EHMT2: variants seen among roughly 807,000 people sequenced by gnomAD.
EHMT2 encodes euchromatic histone lysine methyltransferase 2, also known as histone-lysine N-methyltransferase EHMT2.
EHMT2 carries 59 observed loss-of-function variants against 143.3 expected under a neutral mutation model. The ratio of observed to expected loss-of-function variants is 0.41; its 90% CI spans 0.33 to 0.51. The LOEUF is 0.51. Ranked by LOEUF, EHMT2 falls within the 20% of genes least tolerant of loss-of-function variation. EHMT2 has a pLI of 0.18. For missense variants in EHMT2, 1,174 were observed against 1,645.9 expected, an observed-to-expected ratio of 0.71 and a Z score of 4.96; for synonymous variants, 604 against 651.5, an observed-to-expected ratio of 0.93 and a Z score of 1.11.
In EHMT2 at chr6:31,888,973, G is replaced by A. The variant is rs369022743; in HGVS notation, c.1212C>T (p.His404=). ...GTCCCGGCAATTGGCAATTACCAGC[G>A]TGGTTGGGGGAGAGGGTCCCCTCGC... The change falls in exon 10 of 28, where the codon CAC becomes CAT. Residue 404 remains histidine (H), a synonymous_variant. Coordinates refer to ENST00000375537, the Ensembl canonical transcript of EHMT2. This position sits in a 1 kb window ranked among gnomAD's most constrained non-coding sequence, Gnocchi z 7.4. 19 of 1,598,080 alleles carry A rather than the reference G, an allele frequency of 1.2e-5. 1 individual carries two copies. In the Middle Eastern group the frequency reaches 6.1e-4, roughly 51 times the overall value.
Position 31,896,416 on chromosome 6 carries a change from A to G in EHMT2, c.429T>C (p.Ser143=), listed in dbSNP as rs776450746. The change falls in exon 4 of 28, where the codon TCT becomes TCC. Residue 143 remains serine, a synonymous_variant. Transcript: ENST00000375537. Reference sequence around the variant, plus strand: ...GTAGCCTCATAGCCAAACTCTGGACAGATGGAGGTGATTTTCCCGCCCCTG... The same window carrying G: ...GTAGCCTCATAGCCAAACTCTGGACGGATGGAGGTGATTTTCCCGCCCCTG... 3 of 1,613,042 alleles carry G rather than the reference A, an allele frequency of 1.9e-6. No individual in the cohort carries two copies. The Middle Eastern group carries it at 4.9e-4, about 266-fold the overall frequency.
chr6:31,896,496 G>A, exon 4 of EHMT2: 1 of 1,612,900 alleles, frequency 6.2e-7, no homozygotes, highest in Non-Finnish European at 8.5e-7. Flanking sequence ...GGGGAAGAGG[G>A]GAATGACTTT....
In EHMT2 at chr6:31,884,875, C is replaced by G. The variant is rs368016714; in HGVS notation, c.2448+37G>C. ...ATCCAGCCTCCACCTTGCTCAGGGG[C>G]CTGGGGCTGCCCTACCTCAACCAAA... is the stretch of plus-strand genomic sequence containing the variant. On this transcript the variant is annotated intron_variant, in intron 19 of 27. Coordinates refer to ENST00000375537, the Ensembl canonical transcript of EHMT2. The surrounding 1 kb of genome is among the most constrained non-coding windows in gnomAD (Gnocchi z 7.3). 6.3e-7 allele frequency: 1 copy of G among 1,586,082 alleles called. No individual in the cohort carries two copies. The highest frequency in any genetic ancestry group is 1.7e-5 in the Admixed American group (1 of 58,430).
At chr6:31,897,308 G>A (rs1766679988) in intron 1 of EHMT2, 1 of 568,688 alleles carries the variant, frequency 1.8e-6, no homozygotes, top group Non-Finnish European at 2.4e-6. Context: ...CCCCCAGGCC[G>A]CGGGGACCCC....
Position 31,889,277 on chromosome 6 carries a change from C to T in EHMT2, c.1065G>A (p.Pro355=), listed in dbSNP as rs147657889. Residue 355 remains proline (P), a synonymous_variant, in exon 9 of 28, where the codon CCG becomes CCA. Transcript: ENST00000375537. This position sits in a 1 kb window ranked among gnomAD's most constrained non-coding sequence, Gnocchi z 5.1. The stretch of plus-strand genomic sequence containing the variant: ...GCTCCCGCTTGCGCCGTTTCCGAGA[C>T]GGCTTCACCCATGGGCTGTCTTTTC... 135 of 1,612,258 alleles carry T rather than the reference C, an allele frequency of 8.4e-5. No individual in the cohort carries two copies. In the African/African-American group the frequency reaches 1.3e-3, roughly 15 times the overall value.
At position 31,889,643 on chromosome 6, in the gene EHMT2, TCAGA is replaced by T; in HGVS notation, c.865-45_865-42del. ...AACAGACATATCCAACCCCCAGGAC[TCAGA>T]CAATGAGGTGAGTAAAGAAAACCAC... On this transcript the variant is annotated intron_variant, in intron 7 of 27. Coordinates refer to ENST00000375537, the Ensembl canonical transcript of EHMT2. The surrounding 1 kb of genome is among the most constrained non-coding windows in gnomAD (Gnocchi z 5.1). 1 of 1,604,130 alleles carries T rather than the reference TCAGA, an allele frequency of 6.2e-7. No individual in the cohort carries two copies. Among genetic ancestry groups the T allele is most frequent in the Middle Eastern group, 1.7e-4 (1 of 6,052 alleles).
rs768158740 is a variant in EHMT2 at position 31,896,525 on chromosome 6, C to G, written c.329-9G>C. 8 of 1,611,862 alleles carry G rather than the reference C, an allele frequency of 5.0e-6. No individual in the cohort carries two copies. Among genetic ancestry groups the G allele is most frequent in the Non-Finnish European group, 5.9e-6 (7 of 1,179,400 alleles). On this transcript the variant is annotated splice_polypyrimidine_tract_variant and intron_variant, in intron 3 of 27. Transcript: ENST00000375537. ...TGACTTTGTGGCATGGCCTAGAAAA[C>G]AGGCAAGCAAAAGGCAAGATAAGAA...
At chr6:31,882,625 G>T in intron 25 of EHMT2, 74 bp downstream of exon 25, 1 of 1,424,738 alleles carries the variant, frequency 7.0e-7, no homozygotes, top group Middle Eastern at 1.8e-4. Flanking sequence ...AGATGGCTGA[G>T]AGGGAGGCCT....
chr6:31,882,250 G>A (rs1427343483), intron 25 of EHMT2, among the ~76,000 whole-genome samples: 1 of 152,142 alleles, frequency 6.6e-6, no homozygotes, highest in Non-Finnish European at 1.5e-5. Flanking sequence ...GGCCCCTGAG[G>A]AGGTGGACAG....
At position 31,880,802 on chromosome 6, in the gene EHMT2, C is replaced by G; in HGVS notation, c.3323G>C (p.Ser1108Thr). The stretch of plus-strand genomic sequence containing the variant: ...GTCACACAGGTGGTTGATGAAGCGG[C>G]TGATGTTGCCATAGTAACGGGCATC... The change falls in exon 27 of 28, where the codon AGC (serine) becomes ACC (threonine). Residue 1108 changes from serine to threonine, a missense_variant. Ser to Thr is a moderately conservative substitution (Grantham distance 58). Transcript: ENST00000375537. The surrounding 1 kb of genome is among the most constrained non-coding windows in gnomAD (Gnocchi z 6.6). 1 of 1,613,936 alleles carries G rather than the reference C, an allele frequency of 6.2e-7. No individual in the cohort carries two copies. Among genetic ancestry groups the G allele is most frequent in the Non-Finnish European group, 8.5e-7 (1 of 1,180,022 alleles).
rs373629576 is a variant in EHMT2 at position 31,883,447 on chromosome 6, G to A, written c.2917-8C>T. The A allele has an allele frequency of 1.9e-6, 3 of 1,610,690 alleles. No homozygotes were observed. Among genetic ancestry groups the A allele is most frequent in the Admixed American group, 1.7e-5 (1 of 59,720 alleles). ...GTCCACACACGTGCAGTGCTGGGGC[G>A]AGGAGGCAGAGGTCAGCTCAACCCC... On this transcript the variant is annotated splice_polypyrimidine_tract_variant and splice_region_variant and intron_variant, in intron 22 of 27. Coordinates refer to ENST00000375537, the Ensembl canonical transcript of EHMT2. The surrounding 1 kb of genome is among the most constrained non-coding windows in gnomAD (Gnocchi z 5.6).
intron 4 of EHMT2, among the ~76,000 whole-genome samples, chr6:31,894,670 T>C (rs1210518069): frequency 2.6e-5 from 4 of 152,168 alleles, no homozygotes; most frequent in African/African-American, 9.7e-5. Flanking sequence ...ATTGTTAGAA[T>C]TGTGCTATTT....
intron 4 of EHMT2, 163 bp from the exon 5 acceptor site, chr6:31,893,073 A>C: frequency 1.7e-6 from 1 of 586,208 alleles, no homozygotes; most frequent in Non-Finnish European, 3.0e-6. Context: ...ATTTCCTCAG[A>C]GGAAGAGTGT....
chr6:31,884,498 C>A lies in EHMT2; in HGVS notation c.2665G>T (p.Asp889Tyr). The A allele has an allele frequency of 6.2e-7, 1 of 1,612,974 alleles. No homozygotes were observed. The highest frequency in any genetic ancestry group is 8.5e-7 in the Non-Finnish European group (1 of 1,180,030). The change falls in exon 21 of 28, where the codon GAC (aspartate) becomes TAC (tyrosine). Residue 889 changes from aspartate to tyrosine, a missense_variant. Around this residue, in one of 6 missense-constraint regions of EHMT2, gnomAD observed 608 missense variants for 903.7 expected, o/e 0.67. Coordinates refer to ENST00000375537, the Ensembl canonical transcript of EHMT2. The surrounding 1 kb of genome is among the most constrained non-coding windows in gnomAD (Gnocchi z 7.3). ...ACGTCGGAGCGCTCGGGAGTCAGGT[C>A]CCATGCTGTGTCCCCCTCTTTGTTC...
At chr6:31,891,638 G>A (rs1303620691) in intron 7 of EHMT2, among the ~76,000 whole-genome samples, 2 of 152,108 alleles carry the variant, frequency 1.3e-5, no homozygotes, top group Non-Finnish European at 2.9e-5. Context: ...ATGATAAAAT[G>A]TTAAATAAAA....
chr6:31,896,971 T>C, exon 2 of EHMT2: 1 of 1,581,482 alleles, frequency 6.3e-7, no homozygotes, highest in Non-Finnish European at 8.6e-7. Context: ...AGCGCCCCCA[T>C]CTCAGCGGGG....
chr6:31,882,051 G>A (rs1764169602), intron 25 of EHMT2, among the ~76,000 whole-genome samples: 1 of 150,954 alleles, frequency 6.6e-6, no homozygotes, highest in Admixed American at 6.6e-5. Context: ...ACTGCAGTGA[G>A]CCAAGATTGT....
chr6:31,881,376 C>CA lies in EHMT2; in HGVS notation c.3198-285dup. On this transcript the variant is annotated intron_variant, in intron 25 of 27. Transcript: ENST00000375537. This position sits in a 1 kb window ranked among gnomAD's most constrained non-coding sequence, Gnocchi z 4.8. The stretch of plus-strand genomic sequence containing the variant: ...GGGTGGGGAAGTTCGGGTTTGGACA[C>CA]AGAGAGGTTTGTGTTCCAGGAGCCA... 1 of 546,398 alleles carries CA rather than the reference C, an allele frequency of 1.8e-6. No homozygotes were observed. Among genetic ancestry groups the CA allele is most frequent in the Non-Finnish European group, 3.3e-6 (1 of 303,292 alleles). The allele number at this position is 546,398 out of a possible 1,614,324, so 33.8% of individuals were successfully genotyped here. A position where few individuals can be genotyped will look rare whatever the true frequency, so the allele number is the denominator to read the frequency against.
chr6:31,884,379 G>A lies in EHMT2; in HGVS notation c.2771+13C>T. On this transcript the variant is annotated intron_variant, in intron 21 of 27. Coordinates refer to ENST00000375537, the Ensembl canonical transcript of EHMT2. The surrounding 1 kb of genome is among the most constrained non-coding windows in gnomAD (Gnocchi z 7.3). ...GAGGTGGTCTTGGGTGCAGAGAGGG[G>A]CCCAGGGCTCACCGGCAGATGATCT... 6.2e-7 allele frequency: 1 copy of A among 1,607,860 alleles called. No individual in the cohort carries two copies. The highest frequency in any genetic ancestry group is 8.5e-7 in the Non-Finnish European group (1 of 1,178,122).
Sources: allele counts gnomAD v4.1 joint callset (sites outside exome capture counted in the v4.1 genomes callset), GRCh38; gene constraint gnomAD v4.1.1; regional missense constraint gnomAD v4.1.1; non-coding constraint Gnocchi (gnomAD v3.1); transcripts MANE v1.5; gene names NCBI Gene and HGNC (gene_info 2026-07-23, HGNC 2026-07-21).